NRXN3: variants seen among roughly 807,000 people sequenced by gnomAD.
NRXN3 encodes neurexin III.
In NRXN3, 32 loss-of-function variants were observed where a neutral mutation model predicts 137.6. The observed-to-expected ratio is 0.23, with a 90% CI of 0.18 to 0.31. The LOEUF is 0.31. Ranked by LOEUF, NRXN3 falls within the 10% of genes least tolerant of loss-of-function variation. The pLI is 1.00. For synonymous variants in NRXN3, 798 were observed against 784.5 expected (o/e 1.02, Z -0.29); for missense variants, 1,574 against 2,062.5 (o/e 0.76, Z 4.59).
At chr14:78,668,918 C>CTCTA (rs60427407) in intron 6 of NRXN3, among the ~76,000 whole-genome samples, 102,046 of 149,496 alleles carry the variant, frequency 0.68, 38,085 homozygotes, top group Non-Finnish European at 0.82. Flanking sequence ...ACATATTAAA[C>CTCTA]TCTATCTATC....
chr14:79,356,822 G>T (rs1486985623), intron 15 of NRXN3, among the ~76,000 whole-genome samples: 1 of 152,032 alleles, frequency 6.6e-6, no homozygotes, highest in African/African-American at 2.4e-5. Context: ...AAGCCTCCTG[G>T]GGTTCAAGTG....
Position 79,747,059 on chromosome 14 carries a change from G to A in NRXN3, c.4014+49122G>A, listed in dbSNP as rs1430279470. ...GGGCATTTGGCTCTCAGCAGTTGAT[G>A]CCAAGTTCTGCTAGGGAAGAAATGA... On this transcript the variant is annotated intron_variant, in intron 19 of 20. Transcript: ENST00000335750. Among the ~76,000 whole-genome samples, 3 of 152,042 alleles carry A rather than the reference G, an allele frequency of 2.0e-5. No homozygotes were observed. The East Asian group carries it at 5.8e-4, about 29-fold the overall frequency.
At chr14:78,235,229 T>A (rs181470083) in intron 1 of NRXN3, among the ~76,000 whole-genome samples, 116 of 152,048 alleles carry the variant, frequency 7.6e-4, no homozygotes, top group African/African-American at 2.7e-3. Context: ...CATGATCTCT[T>A]GGAGTCCCTT....
At chr14:79,834,642 A>G (rs2099332053) in intron 20 of NRXN3, among the ~76,000 whole-genome samples, 1 of 152,158 alleles carries the variant, frequency 6.6e-6, no homozygotes, top group South Asian at 2.1e-4. Context: ...ATTTGCCGAG[A>G]GCGGTACTCT....
At chr14:79,470,399 C>T (rs191854704) in intron 16 of NRXN3, among the ~76,000 whole-genome samples, 13 of 152,242 alleles carry the variant, frequency 8.5e-5, no homozygotes, top group South Asian at 4.1e-4. Flanking sequence ...ACCTCTAAGG[C>T]GAGCACTGCA....
At chr14:78,553,670 C>T (rs992831650) in intron 4 of NRXN3, among the ~76,000 whole-genome samples, 3 of 152,124 alleles carry the variant, frequency 2.0e-5, no homozygotes, top group African/African-American at 4.8e-5. Context: ...TTGGTAAGTC[C>T]GGGGATCTGA....
intron 4 of NRXN3, among the ~76,000 whole-genome samples, chr14:78,583,855 A>G (rs902853724): frequency 1.3e-5 from 2 of 152,098 alleles, no homozygotes; most frequent in African/African-American, 4.8e-5. Context: ...GGCCTGGAAT[A>G]TTACTGCTGG....
chr14:78,794,379 G>A (rs2098814809), intron 8 of NRXN3, among the ~76,000 whole-genome samples: 1 of 152,170 alleles, frequency 6.6e-6, no homozygotes, highest in South Asian at 2.1e-4. Context: ...GACAGAGCAA[G>A]ACTCTGTTTC....
chr14:79,213,781 C>G (rs1440450680), intron 15 of NRXN3, among the ~76,000 whole-genome samples: 1 of 152,170 alleles, frequency 6.6e-6, no homozygotes. Flanking sequence ...CACATCCACA[C>G]AGTTCTCTCA....
At chr14:79,219,645 T>C (rs2069173882) in intron 15 of NRXN3, among the ~76,000 whole-genome samples, 1 of 152,172 alleles carries the variant, frequency 6.6e-6, no homozygotes. Flanking sequence ...ACAAAAGGAT[T>C]CCACATACCG....
intron 4 of NRXN3, among the ~76,000 whole-genome samples, chr14:78,610,198 C>T (rs917923972): frequency 1.3e-5 from 2 of 152,142 alleles, no homozygotes; most frequent in African/African-American, 4.8e-5. Flanking sequence ...ACTGACAGCC[C>T]ATGCAACTAG....
At chr14:79,841,869 T>C (rs1046539006) in intron 20 of NRXN3, among the ~76,000 whole-genome samples, 1 of 152,198 alleles carries the variant, frequency 6.6e-6, no homozygotes, top group Non-Finnish European at 1.5e-5. Context: ...CCAATTTGCA[T>C]TGGAACTGCT....
rs544402523 is a variant in NRXN3, at chr14:79,643,427, T to A, written c.3445-20351T>A. Among the ~76,000 whole-genome samples the A allele has an allele frequency of 3.7e-5, 5 of 134,962 alleles. 2 individuals carry two copies. The South Asian group carries it at 7.0e-4, about 19-fold the overall frequency. 88.5% of individuals were successfully genotyped at this position (134,962 alleles called of 152,430 possible). On this transcript the variant is annotated intron_variant, in intron 16 of 20. Coordinates refer to ENST00000335750, the MANE Select transcript of NRXN3 (RefSeq NM_001330195.2). ...CTCATCTCTATTTTATCTGTTATAA[T>A]TCCTCTCCTCTGCTTCTTCCCCAGC...
chr14:78,175,480 T>C (rs1444361296), intron 1 of NRXN3, among the ~76,000 whole-genome samples: 1 of 152,168 alleles, frequency 6.6e-6, no homozygotes, highest in East Asian at 1.9e-4. Context: ...TGCCTAGAAA[T>C]GTGCTGGCCC....
intron 18 of NRXN3, among the ~76,000 whole-genome samples, chr14:79,694,765 G>T (rs2160920): frequency 0.098 from 14,881 of 151,858 alleles, 893 homozygotes; most frequent in South Asian, 0.17. Context: ...GTAAGGGATG[G>T]CAGGACACGA....
At chr14:78,824,526 G>A (rs555778292) in intron 10 of NRXN3, among the ~76,000 whole-genome samples, 7 of 152,208 alleles carry the variant, frequency 4.6e-5, no homozygotes, top group African/African-American at 1.7e-4. Context: ...AGCCACAGGA[G>A]AAATCTGTAG....
intron 15 of NRXN3, among the ~76,000 whole-genome samples, chr14:79,221,552 T>C (rs2069679519): frequency 6.6e-6 from 1 of 152,248 alleles, no homozygotes; most frequent in African/African-American, 2.4e-5. Context: ...AATGTCTTCT[T>C]TTGAGAAGTG....
chr14:78,230,240 G>A (rs1202200540), intron 1 of NRXN3, among the ~76,000 whole-genome samples: 1 of 151,728 alleles, frequency 6.6e-6, no homozygotes, highest in Non-Finnish European at 1.5e-5. Flanking sequence ...GTCCAGGCTG[G>A]TCTCAAACTC....
intron 15 of NRXN3, among the ~76,000 whole-genome samples, chr14:79,197,845 T>C (rs61995405): frequency 0.21 from 32,680 of 152,200 alleles, 3,630 homozygotes; most frequent in Non-Finnish European, 0.24. Context: ...TTTTACCCAC[T>C]GTAGGACAGC....
Sources: allele counts gnomAD v4.1 joint callset (sites outside exome capture counted in the v4.1 genomes callset), GRCh38; gene constraint gnomAD v4.1.1; transcripts MANE v1.5; gene names NCBI Gene and HGNC (gene_info 2026-07-23, HGNC 2026-07-21).